Variants in RACGAP1 observed in about 807,000 individuals in gnomAD.
RACGAP1 encodes the protein rac GTPase-activating protein 1.
Under a neutral mutation model 78.1 loss-of-function variants are expected in RACGAP1, and 30 were observed. The ratio of observed to expected loss-of-function variants is 0.38; its 90% CI spans 0.29 to 0.52. RACGAP1 has a LOEUF of 0.52. RACGAP1 is among the 20% of genes least tolerant of loss of function. The pLI, the probability that RACGAP1 is intolerant of heterozygous loss-of-function variation, is 0.82. For missense variants in RACGAP1, 587 were observed against 777.1 expected (o/e 0.76, Z 2.91); for synonymous variants, 231 against 264.8 (o/e 0.87, Z 1.24).
chr12:49,993,700 T>C (rs563276006), intron 12 of RACGAP1, among the ~76,000 whole-genome samples: 11 of 129,616 alleles, frequency 8.5e-5, no homozygotes, highest in East Asian at 2.3e-4. Flanking sequence ...AGTGAGCCGA[T>C]AGCGCCACTG....
intron 12 of RACGAP1, among the ~76,000 whole-genome samples, chr12:49,993,746 T>TAAA (rs34663027): frequency 4.7e-4 from 62 of 130,610 alleles, no homozygotes; most frequent in Admixed American, 7.7e-4. Context: ...GACTCCGTCT[T>TAAA]AAAAAAAAAA....
intron 2 of RACGAP1, among the ~76,000 whole-genome samples, chr12:50,012,195 G>C (rs1208070384): frequency 6.6e-6 from 1 of 152,174 alleles, no homozygotes; most frequent in African/African-American, 2.4e-5. Flanking sequence ...GGGAGGCCAA[G>C]GCGGTTGGAT....
In RACGAP1 at chr12:50,008,259, C is replaced by A. The variant is rs143715903; in HGVS notation, c.86-1623G>T. Among the ~76,000 whole-genome samples the A allele has an allele frequency of 1.8e-4, 27 of 146,108 alleles. No individual in the cohort carries two copies. In the East Asian group the frequency reaches 4.6e-3, roughly 25 times the overall value. On this transcript the variant is annotated intron_variant, in intron 2 of 16. Coordinates refer to ENST00000312377, the MANE Select transcript of RACGAP1 (RefSeq NM_001319999.2). ...TGTTGCCCAGGCAGAAGTGCAATGG[C>A]GCAATCTTGGCTCACTGCAATCTCC...
intron 2 of RACGAP1, among the ~76,000 whole-genome samples, chr12:50,014,040 G>A (rs774619047): frequency 2.0e-5 from 3 of 152,130 alleles, no homozygotes; most frequent in Non-Finnish European, 2.9e-5. Context: ...AGAGAAAATA[G>A]AATATTGTTT....
intron 2 of RACGAP1, among the ~76,000 whole-genome samples, chr12:50,008,933 A>G (rs1368221593): frequency 6.6e-6 from 1 of 152,180 alleles, no homozygotes; most frequent in African/African-American, 2.4e-5. Context: ...CAGTTGGTGA[A>G]TCACAATTCA....
intron 9 of RACGAP1, among the ~76,000 whole-genome samples, chr12:49,997,898 G>T (rs1185896136): frequency 6.6e-6 from 1 of 152,030 alleles, no homozygotes; most frequent in African/African-American, 2.4e-5. Context: ...AACATTTATT[G>T]AGCACTTAGT....
intron 15 of RACGAP1, among the ~76,000 whole-genome samples, chr12:49,991,549 G>A (rs1219376547): frequency 4.4e-5 from 6 of 136,706 alleles, no homozygotes; most frequent in South Asian, 2.3e-4. Flanking sequence ...GTGCAGTGGC[G>A]GGATCTCAGC....
At chr12:50,015,834 A>C (rs1289605526) in intron 2 of RACGAP1, among the ~76,000 whole-genome samples, 4 of 150,360 alleles carry the variant, frequency 2.7e-5, no homozygotes. Flanking sequence ...AAATTTAAAA[A>C]AAAATTTTTT....
intron 1 of RACGAP1, 200 bp from the exon 2 acceptor site, chr12:50,016,919 A>G: frequency 6.0e-6 from 8 of 1,343,426 alleles, no homozygotes; most frequent in Non-Finnish European, 7.6e-6. Context: ...CTCATCTGAA[A>G]ATTAGAAAAC....
At chr12:49,997,909 A>T (rs1948415513) in intron 9 of RACGAP1, among the ~76,000 whole-genome samples, 1 of 152,152 alleles carries the variant, frequency 6.6e-6, no homozygotes. Flanking sequence ...AGCACTTAGT[A>T]TGTGCCAAAA....
rs368821620 is a variant in RACGAP1 at position 50,001,246 on chromosome 12, T to C, written c.556A>G (p.Thr186Ala). Reference protein sequence around the residue: ...KLKKREKRRSTSRQFVDGPPG... With the variant: ...KLKKREKRRSASRQFVDGPPG... ...GGACCATCAACAAACTGTCGGCTAG[T>C]AGAGCGCTAGAAAGGAGACAAAGAC... Residue 186 changes from threonine to alanine, a missense_variant, in exon 7 of 17, where the codon ACT becomes GCT. By Grantham distance (58) the Thr-to-Ala change is moderately conservative. Coordinates refer to ENST00000312377, the MANE Select transcript of RACGAP1 (RefSeq NM_001319999.2). 7.2e-5 allele frequency: 116 copies of C among 1,607,564 alleles called. No homozygotes were observed. Among genetic ancestry groups the C allele is most frequent in the Non-Finnish European group, 8.5e-5 (100 of 1,174,340 alleles).
Position 49,994,330 on chromosome 12 carries a change from C to A in RACGAP1, c.1141-1G>T. Reference sequence around the variant, plus strand: ...AGCCAGAGATCCTATACAGGCCTGTCTATTATCAAGATGACATTTTTATTT... The same window carrying A: ...AGCCAGAGATCCTATACAGGCCTGTATATTATCAAGATGACATTTTTATTT... On this transcript the variant is annotated splice_acceptor_variant, in intron 11 of 16. Coordinates refer to ENST00000312377, the MANE Select transcript of RACGAP1 (RefSeq NM_001319999.2). LOFTEE classifies it high-confidence loss of function. 6.2e-7 allele frequency: 1 copy of A among 1,613,476 alleles called. No homozygotes were observed. Among genetic ancestry groups the A allele is most frequent in the Non-Finnish European group, 8.5e-7 (1 of 1,179,874 alleles).
At chr12:50,015,744 G>A (rs546197926) in intron 2 of RACGAP1, among the ~76,000 whole-genome samples, 1 of 151,920 alleles carries the variant, frequency 6.6e-6, no homozygotes, top group Admixed American at 6.6e-5. Flanking sequence ...GGAGCTTGCA[G>A]TGAGCCGAGA....
intron 3 of RACGAP1, among the ~76,000 whole-genome samples, chr12:50,005,935 T>C (rs1948949900): frequency 6.6e-6 from 1 of 152,250 alleles, no homozygotes; most frequent in Non-Finnish European, 1.5e-5. Context: ...AAAATGATAG[T>C]GTTCTGTGTC....
chr12:50,008,390 G>T (rs1482605838), intron 2 of RACGAP1, among the ~76,000 whole-genome samples: 2 of 151,674 alleles, frequency 1.3e-5, no homozygotes, highest in East Asian at 3.9e-4. Flanking sequence ...GTAGAGACGG[G>T]GTTTCACCAT....
intron 2 of RACGAP1, among the ~76,000 whole-genome samples, chr12:50,014,425 C>T (rs944914444): frequency 6.6e-6 from 1 of 152,166 alleles, no homozygotes. Context: ...TTATTTCCCC[C>T]CAGGAATTGA....
intron 2 of RACGAP1, chr12:50,031,623 C>G: frequency 8.5e-6 from 8 of 944,362 alleles, no homozygotes; most frequent in Non-Finnish European, 1.0e-5. Context: ...GGCCTTCAAC[C>G]TTCCCTGTGC....
Position 50,018,604 on chromosome 12 carries a change from G to A in RACGAP1, c.-4-1885C>T, listed in dbSNP as rs917139638. The A allele has an allele frequency of 4.7e-5, 59 of 1,266,840 alleles. No homozygotes were observed. In the Admixed American group the frequency reaches 1.3e-3, roughly 29 times the overall value. The allele number at this position is 1,266,840 out of a possible 1,614,324, so 78.5% of individuals were successfully genotyped here. ...CTTTGGCTCTCCTGAGGTAAAAATG[G>A]AAGACTCTAATCAGTAGTTTTAATA... On this transcript the variant is annotated intron_variant, in intron 1 of 16. Coordinates refer to ENST00000312377, the MANE Select transcript of RACGAP1 (RefSeq NM_001319999.2).
At chr12:49,993,332 A>C (rs537875218) in intron 12 of RACGAP1, among the ~76,000 whole-genome samples, 1 of 152,364 alleles carries the variant, frequency 6.6e-6, no homozygotes, top group South Asian at 2.1e-4. Flanking sequence ...AAAAGCTCCA[A>C]CCTAACTGGA....
Sources: allele counts gnomAD v4.1 joint callset (sites outside exome capture counted in the v4.1 genomes callset), GRCh38; gene constraint gnomAD v4.1.1; transcripts MANE v1.5; gene names NCBI Gene and HGNC (gene_info 2026-07-23, HGNC 2026-07-21).